The following FAM161A variants were observed in gnomAD, a reference collection of about 807,000 sequenced individuals.
The protein encoded by FAM161A is protein FAM161A.
A neutral mutation model predicts 70.9 loss-of-function variants in FAM161A; 57 were observed. The ratio of observed to expected loss-of-function variants is 0.80; its 90% confidence interval spans 0.65 to 1.00. The LOEUF is 1.00. Among genes scored for constraint, FAM161A ranks in the 50% least tolerant of loss-of-function variants. The pLI, the probability that FAM161A is intolerant of heterozygous loss-of-function variation, is 0.00. For missense variants in FAM161A, 880 were observed against 836.0 expected, an observed-to-expected ratio of 1.05 and a Z score of -0.65; for synonymous variants, 299 against 295.7, an observed-to-expected ratio of 1.01 and a Z score of -0.12.
chr2:61,825,610 A>T lies in FAM161A; in HGVS notation c.*845T>A. The T allele has an allele frequency of 2.3e-6, 1 of 441,554 alleles. No individual in the cohort carries two copies. Among genetic ancestry groups the T allele is most frequent in the South Asian group, 1.7e-5 (1 of 60,384 alleles). 27.4% of individuals were successfully genotyped at this position (441,554 alleles called of 1,614,324 possible). ...AAACTCTCAGTGCAAAAATAAATGT[A>T]AATTTGCAAGTATCCATTTTTTTCT... On this transcript the variant is annotated 3_prime_UTR_variant, in exon 7 of 7. Coordinates refer to ENST00000404929, the MANE Select transcript of FAM161A (RefSeq NM_001201543.2).
chr2:61,842,385 T>C (rs1257277361), intron 1 of FAM161A, 25 bp from the exon 2 acceptor site: 4 of 1,416,290 alleles, frequency 2.8e-6, no homozygotes, highest in Non-Finnish European at 3.9e-6. Context: ...ACACTTGATA[T>C]ATAGTGACTG....
chr2:61,814,665 T>C, the FAM161A span, among the ~76,000 whole-genome samples: 1 of 152,078 alleles, frequency 6.6e-6, no homozygotes, highest in Non-Finnish European at 1.5e-5. Context: ...CAGTGAGCCA[T>C]GATTGCACCA....
At chr2:61,837,535 A>G (rs10865328) in intron 4 of FAM161A, among the ~76,000 whole-genome samples, 142,990 of 152,176 alleles carry the variant, frequency 0.94, 67,365 homozygotes, top group East Asian at 1. Flanking sequence ...TTGGGAGGCC[A>G]AGGTAGGCAG....
the FAM161A span, chr2:61,803,032 T>C: frequency 4.7e-6 from 1 of 212,076 alleles, no homozygotes; most frequent in South Asian, 1.0e-4. Context: ...ATAACTCTTC[T>C]CCTCCCTGGC....
intron 2 of FAM161A, among the ~76,000 whole-genome samples, chr2:61,841,272 C>G (rs1673011023): frequency 6.6e-6 from 1 of 152,184 alleles, no homozygotes; most frequent in East Asian, 1.9e-4. Flanking sequence ...TGGCGCCTAT[C>G]TTTTCAGTCT....
the FAM161A span, among the ~76,000 whole-genome samples, chr2:61,814,237 C>T: frequency 6.6e-6 from 1 of 152,060 alleles, no homozygotes; most frequent in Non-Finnish European, 1.5e-5. Context: ...AGAACTTATC[C>T]CCATTTTCTC....
At chr2:61,838,854 ATATTTATTTATTTATTTATT>A (rs10645430) in intron 3 of FAM161A, 149 bp from the exon 4 acceptor site, 2 of 151,048 alleles carry the variant, frequency 1.3e-5, no homozygotes, top group Non-Finnish European at 2.5e-5. Flanking sequence ...AAAACTAGAA[ATATTTATTTATTTATTTATT>A]TATTTATTTA....
At chr2:61,821,979 G>A (rs529543076), downstream of FAM161A, among the ~76,000 whole-genome samples, 9 of 151,874 alleles carry the variant, frequency 5.9e-5, no homozygotes, top group South Asian at 1.7e-3. Context: ...ATGTTGGTCA[G>A]GCTGGTCTCA....
the FAM161A span, among the ~76,000 whole-genome samples, chr2:61,807,633 ATT>A: frequency 2.1e-3 from 241 of 113,294 alleles, 2 homozygotes; most frequent in African/African-American, 7.9e-3. Flanking sequence ...TGGACTCCAG[ATT>A]TTTTTTTTTT....
At chr2:61,832,261 CA>C (rs1672609770) in intron 5 of FAM161A, among the ~76,000 whole-genome samples, 1 of 145,590 alleles carries the variant, frequency 6.9e-6, no homozygotes, top group Non-Finnish European at 1.5e-5. Context: ...AAAAAAAAAC[CA>C]ACAACAACAA....
At chr2:61,848,406 T>G (rs549779149) in intron 1 of FAM161A, among the ~76,000 whole-genome samples, 1 of 152,294 alleles carries the variant, frequency 6.6e-6, no homozygotes, top group South Asian at 2.1e-4. Flanking sequence ...ATTTAATCTT[T>G]AATTGTCTCC....
chr2:61,803,280 T>C, the FAM161A span: 1 of 627,576 alleles, frequency 1.6e-6, no homozygotes, highest in Admixed American at 2.0e-5. Flanking sequence ...GTGGTGGCTT[T>C]GGCATGATTT....
At chr2:61,844,727 C>G (rs1477169412) in intron 1 of FAM161A, among the ~76,000 whole-genome samples, 2 of 152,098 alleles carry the variant, frequency 1.3e-5, no homozygotes, top group Non-Finnish European at 2.9e-5. Context: ...AACAAAAACT[C>G]TACCTTTGAG....
chr2:61,831,833 T>C (rs1002191966), intron 5 of FAM161A, among the ~76,000 whole-genome samples: 1 of 152,028 alleles, frequency 6.6e-6, no homozygotes, highest in East Asian at 1.9e-4. Flanking sequence ...CCCTCTTAAA[T>C]GCAAACAGAC....
chr2:61,808,948 C>T, the FAM161A span, among the ~76,000 whole-genome samples: 1 of 151,864 alleles, frequency 6.6e-6, no homozygotes, highest in Non-Finnish European at 1.5e-5. Flanking sequence ...TCTCGGCTCA[C>T]TGCAACCTCC....
intron 5 of FAM161A, among the ~76,000 whole-genome samples, chr2:61,834,821 AAAAT>A (rs201496756): frequency 3.3e-5 from 5 of 152,042 alleles, no homozygotes; most frequent in African/African-American, 7.2e-5. Context: ...AAAAGTTGAA[AAAAT>A]AAATAAATAA....
chr2:61,823,406 G>C (rs1259748474), downstream of FAM161A, among the ~76,000 whole-genome samples: 7 of 133,676 alleles, frequency 5.2e-5, no homozygotes, highest in Non-Finnish European at 3.3e-5. Context: ...GTCTCACTTT[G>C]TTACCTAGGT....
chr2:61,813,115 G>C, the FAM161A span, among the ~76,000 whole-genome samples: 1 of 151,896 alleles, frequency 6.6e-6, no homozygotes, highest in Non-Finnish European at 1.5e-5. Flanking sequence ...GAATAGTCTT[G>C]TGTTATGTTC....
intron 4 of FAM161A, 51 bp downstream of exon 4, chr2:61,838,487 A>G: frequency 1.3e-6 from 2 of 1,485,682 alleles, no homozygotes; most frequent in Non-Finnish European, 1.8e-6. Context: ...GATTAAAAAA[A>G]AAAGAGTTTG....
Sources: allele counts gnomAD v4.1 joint callset (sites outside exome capture counted in the v4.1 genomes callset), GRCh38; gene constraint gnomAD v4.1.1; transcripts MANE v1.5; gene names NCBI Gene and HGNC (gene_info 2026-07-23, HGNC 2026-07-21).